The following NUP205 variants were observed in gnomAD, a reference collection of about 807,000 sequenced individuals.
The protein encoded by NUP205 is nuclear pore complex protein Nup205.
In NUP205, 76 loss-of-function variants were observed where a neutral mutation model predicts 253.8. The observed-to-expected ratio is 0.30, with a 90% confidence interval of 0.25 to 0.36. The LOEUF (loss-of-function observed/expected upper bound fraction) is 0.36, where lower values mean the gene tolerates loss of function less well. NUP205 is among the 10% of genes least tolerant of loss of function. The probability of loss-of-function intolerance (pLI) is 1.00; values close to 1 mark genes in which losing one functional copy is unlikely to be tolerated. For missense variants in NUP205, 2,162 were observed against 2,425.5 expected (o/e 0.89, Z 2.28); for synonymous variants, 832 against 850.1 (o/e 0.98, Z 0.37).
rs1261816871 is a variant in NUP205, at chr7:135,597,358, C to G, written c.2014-10C>G. 1.2e-6 allele frequency: 2 copies of G among 1,602,152 alleles called. No individual in the cohort carries two copies. The highest frequency in any genetic ancestry group is 3.3e-5 in the Admixed American group (2 of 59,914). ...GAATGCTCCTGACATCTACTTCTTA[C>G]TATTTTAAGATACTGCAGACCGTGA... On this transcript the variant is annotated splice_polypyrimidine_tract_variant and intron_variant, in intron 13 of 42. Transcript: ENST00000285968.
intron 22 of NUP205, among the ~76,000 whole-genome samples, chr7:135,610,063 G>A (rs1198934838): frequency 4.6e-5 from 7 of 152,038 alleles, no homozygotes; most frequent in Admixed American, 4.6e-4. Flanking sequence ...GGATTTGTTG[G>A]GCCAGATTGT....
rs951399270 is a variant in NUP205, at chr7:135,601,414, T to C, written c.2419T>C (p.Tyr807His). ...AYKPPGFSLM[Y>H]HLLNESPMLE... Reference sequence around the variant, plus strand: ...TAAGCCACCTGGATTTAGTCTGATGTATCATCTGCTGAATGAGTCACCAAT... The same window carrying C: ...TAAGCCACCTGGATTTAGTCTGATGCATCATCTGCTGAATGAGTCACCAAT... The change falls in exon 17 of 43, where the codon TAT becomes CAT. Residue 807 changes from tyrosine (Y) to histidine (H), a missense_variant. Tyr to His is a moderately conservative substitution (Grantham distance 83). This residue lies in a region of NUP205 where 892 missense variants were observed against 957.1 expected (regional missense o/e 0.93). Coordinates refer to ENST00000285968, the MANE Select transcript of NUP205 (RefSeq NM_015135.3). The C allele has an allele frequency of 6.2e-7, 1 of 1,613,734 alleles. No homozygotes were observed. The highest frequency in any genetic ancestry group is 8.5e-7 in the Non-Finnish European group (1 of 1,179,784).
chr7:135,584,138 A>G (rs1279783246), intron 7 of NUP205, among the ~76,000 whole-genome samples: 1 of 152,038 alleles, frequency 6.6e-6, no homozygotes, highest in Non-Finnish European at 1.5e-5. Flanking sequence ...TTTGAGTTGT[A>G]CACTGCAAAT....
chr7:135,616,419 A>G (rs1465593186), intron 24 of NUP205, among the ~76,000 whole-genome samples: 1 of 152,166 alleles, frequency 6.6e-6, no homozygotes, highest in African/African-American at 2.4e-5. Flanking sequence ...ATTTTTGAGA[A>G]TCTGATTATT....
In NUP205 at chr7:135,630,431, G is replaced by T. The variant is rs1043930137; in HGVS notation, c.5020G>T (p.Ala1674Ser). 4 of 1,610,240 alleles carry T rather than the reference G, an allele frequency of 2.5e-6. No individual in the cohort carries two copies. In the African/African-American group the frequency reaches 4.0e-5, roughly 16 times the overall value. The change falls in exon 35 of 43, where the codon GCT (alanine) becomes TCT (serine). Residue 1674 changes from alanine (A) to serine (S), a missense_variant. This residue lies in a region of NUP205 where 1,144 missense variants were observed against 1,280.9 expected (regional missense o/e 0.89). Coordinates refer to ENST00000285968, the MANE Select transcript of NUP205 (RefSeq NM_015135.3). ...DVSAGSLQEL[A>S]LLTGIISKAA... is the part of the protein sequence containing the mutation. ...TAGTGCTGGGTCTTTGCAGGAATTG[G>T]CTCTGCTGACAGGAATTATAAGTAA...
chr7:135,636,728 G>C (rs891484996), intron 36 of NUP205, among the ~76,000 whole-genome samples: 1 of 152,136 alleles, frequency 6.6e-6, no homozygotes, highest in Non-Finnish European at 1.5e-5. Flanking sequence ...TACAGTGGCC[G>C]GGTGGGATGG....
intron 13 of NUP205, among the ~76,000 whole-genome samples, chr7:135,596,553 T>C (rs556347469): frequency 3.0e-4 from 46 of 152,294 alleles, no homozygotes; most frequent in South Asian, 2.5e-3. Flanking sequence ...TAAAGTATCA[T>C]GACAGTAGGA....
chr7:135,628,765 A>G (rs1011836196), intron 34 of NUP205, among the ~76,000 whole-genome samples: 71 of 152,214 alleles, frequency 4.7e-4, no homozygotes, highest in African/African-American at 1.7e-3. Context: ...GTGTCCTAAA[A>G]CACTTTGATT....
At chr7:135,642,394 C>G (rs1794930404) in intron 38 of NUP205, among the ~76,000 whole-genome samples, 1 of 151,968 alleles carries the variant, frequency 6.6e-6, no homozygotes, top group East Asian at 1.9e-4. Context: ...TCTCTGTTGC[C>G]CAGGCTGGTC....
chr7:135,613,545 CT>C (rs1172899536), intron 22 of NUP205, among the ~76,000 whole-genome samples: 24 of 136,640 alleles, frequency 1.8e-4, no homozygotes, highest in Admixed American at 3.6e-4. Context: ...CTTTTTTTTT[CT>C]TTTTTTTTTG....
chr7:135,606,285 T>A, intron 20 of NUP205, 59 bp downstream of exon 20: 1 of 1,056,794 alleles, frequency 9.5e-7, no homozygotes, highest in Non-Finnish European at 1.5e-6. Flanking sequence ...ATGCTTAATT[T>A]AAAGAAAACA....
At chr7:135,627,934 A>C in intron 33 of NUP205, 39 bp from the exon 34 acceptor site, 1 of 1,608,918 alleles carries the variant, frequency 6.2e-7, no homozygotes. Flanking sequence ...AGTATACCTT[A>C]ATTCTTGGAA....
rs184007384 is a variant in NUP205, at chr7:135,645,415, G to A, written c.5684-53G>A. ...TTTTTTCTTCTCCTCCGAAACTGGT[G>A]TGTAAAACATATTTGATGAGATTAT... On this transcript the variant is annotated intron_variant, in intron 40 of 42. Transcript: ENST00000285968. The A allele has an allele frequency of 1.6e-3, 2,525 of 1,579,036 alleles. 1 individual carries two copies. The highest frequency in any genetic ancestry group is 2.1e-3 in the Non-Finnish European group (2,390 of 1,156,260).
At chr7:135,623,033 T>G in intron 31 of NUP205, 108 bp downstream of exon 31, 1 of 1,117,540 alleles carries the variant, frequency 8.9e-7, no homozygotes, top group Non-Finnish European at 1.3e-6. Context: ...ATCTCAGTGC[T>G]TTCGAAGGCC....
chr7:135,614,175 G>A lies in NUP205; in HGVS notation c.3212G>A (p.Cys1071Tyr). 1.3e-6 allele frequency: 2 copies of A among 1,593,086 alleles called. No individual in the cohort carries two copies. The highest frequency in any genetic ancestry group is 1.7e-6 in the Non-Finnish European group (2 of 1,161,506). Residue 1071 changes from cysteine to tyrosine, a missense_variant, in exon 23 of 43, where the codon TGT (cysteine) becomes TAT (tyrosine). Physicochemically the swap from Cys to Tyr is radical, Grantham distance 194. Around this residue, in one of 5 missense-constraint regions of NUP205, gnomAD observed 1,144 missense variants for 1,280.9 expected, o/e 0.89. Transcript: ENST00000285968. ...ELCYQVIYQLCACSDTSGPTM... is the reference protein window; with the variant it reads ...ELCYQVIYQLYACSDTSGPTM... Reference sequence around the variant, plus strand: ...ATGCTTTAGGTCATATATCAGTTATGTGCATGCTCTGATACATCTGGTCCT... The same window carrying A: ...ATGCTTTAGGTCATATATCAGTTATATGCATGCTCTGATACATCTGGTCCT...
chr7:135,637,570 G>C (rs369848190), intron 36 of NUP205, among the ~76,000 whole-genome samples: 1 of 152,120 alleles, frequency 6.6e-6, no homozygotes, highest in East Asian at 1.9e-4. Flanking sequence ...TCTTGTGACT[G>C]CCCTCTCATT....
At chr7:135,642,715 C>T (rs1794936061) in intron 38 of NUP205, among the ~76,000 whole-genome samples, 1 of 152,096 alleles carries the variant, frequency 6.6e-6, no homozygotes, top group Admixed American at 6.5e-5. Context: ...TTTGAGCTGG[C>T]AATTTAGTAA....
intron 8 of NUP205, among the ~76,000 whole-genome samples, chr7:135,585,640 G>A (rs994295127): frequency 7.3e-5 from 11 of 151,412 alleles, no homozygotes; most frequent in South Asian, 4.2e-4. Context: ...TGCAATCTCC[G>A]CCTCCTGGGT....
At chr7:135,587,775 A>G in intron 9 of NUP205, 80 bp from the exon 10 acceptor site, 3 of 1,538,574 alleles carry the variant, frequency 1.9e-6, no homozygotes, top group Non-Finnish European at 2.6e-6. Flanking sequence ...CAGGTGTAAT[A>G]CTTTAAATGT....
Sources: allele counts gnomAD v4.1 joint callset (sites outside exome capture counted in the v4.1 genomes callset), GRCh38; gene constraint gnomAD v4.1.1; regional missense constraint gnomAD v4.1.1; transcripts MANE v1.5; gene names NCBI Gene and HGNC (gene_info 2026-07-23, HGNC 2026-07-21).